Variants in ABCC4 observed in about 807,000 individuals in gnomAD.
ABCC4 encodes ATP-binding cassette sub-family C member 4.
A neutral mutation model predicts 168.5 loss-of-function variants in ABCC4; 102 were observed. The ratio of observed to expected loss-of-function variants is 0.61; its 90% CI spans 0.52 to 0.71. ABCC4 has a LOEUF of 0.71. Among genes scored for constraint, ABCC4 ranks in the 30% least tolerant of loss-of-function variants. The probability of loss-of-function intolerance (pLI) is 0.00; values close to 1 mark genes in which losing one functional copy is unlikely to be tolerated. For missense variants in ABCC4, 1,402 were observed against 1,605.8 expected, an observed-to-expected ratio of 0.87 and a Z score of 2.17; for synonymous variants, 617 against 590.7, an observed-to-expected ratio of 1.04 and a Z score of -0.65.
chr13:95,022,411 T>A (rs1286195371), intron 30 of ABCC4, among the ~76,000 whole-genome samples: 1 of 152,182 alleles, frequency 6.6e-6, no homozygotes, highest in East Asian at 1.9e-4. Flanking sequence ...AAACGTATAA[T>A]CAGAACATAA....
chr13:95,166,559 T>C (rs866664949), intron 14 of ABCC4, among the ~76,000 whole-genome samples, 192 bp from the exon 15 acceptor site: 5 of 152,218 alleles, frequency 3.3e-5, no homozygotes, highest in Middle Eastern at 3.2e-3. Flanking sequence ...AGACTCTGTG[T>C]TAGGTCCTGA....
intron 1 of ABCC4, among the ~76,000 whole-genome samples, chr13:95,282,696 G>A (rs1266414530): frequency 2.0e-5 from 3 of 151,460 alleles, no homozygotes; most frequent in Non-Finnish European, 4.4e-5. Context: ...CATCATGCCT[G>A]GCTAATTTTT....
chr13:95,073,275 G>A lies in ABCC4; in HGVS notation c.2947C>T (p.Leu983=), dbSNP rs1025464331. ...TLDAGQVGLA[L]SYALTLMGMF... ...CCCATGAGCGTGAGGGCATAGGACA[G>A]TGCCAAACCAACCTGCCCGGCATCC... The change falls in exon 24 of 31, where the codon CTG becomes TTG. Residue 983 remains leucine, a synonymous_variant. Coordinates refer to ENST00000645237, the MANE Select transcript of ABCC4 (RefSeq NM_005845.5). 4 of 1,613,658 alleles carry A rather than the reference G, an allele frequency of 2.5e-6. No homozygotes were observed. The highest frequency in any genetic ancestry group is 1.7e-5 in the Admixed American group (1 of 60,006).
At chr13:95,034,533 C>A in intron 30 of ABCC4, 72 bp downstream of exon 30, 2 of 1,548,596 alleles carry the variant, frequency 1.3e-6, no homozygotes, top group Non-Finnish European at 1.7e-6. Context: ...TGTTACCATA[C>A]CCATGGTGCC....
intron 9 of ABCC4, among the ~76,000 whole-genome samples, chr13:95,192,361 G>A (rs2038281976): frequency 6.6e-6 from 1 of 152,084 alleles, no homozygotes; most frequent in Non-Finnish European, 1.5e-5. Flanking sequence ...ATCCCTGCCA[G>A]TGTGAGGCAA....
At chr13:95,282,091 A>G (rs2041139152) in intron 1 of ABCC4, among the ~76,000 whole-genome samples, 1 of 151,674 alleles carries the variant, frequency 6.6e-6, no homozygotes, top group African/African-American at 2.4e-5. Flanking sequence ...CCTGGACAAC[A>G]GAGCCACTGC....
chr13:95,297,407 G>A (rs547588060), intron 1 of ABCC4, among the ~76,000 whole-genome samples: 1 of 152,210 alleles, frequency 6.6e-6, no homozygotes, highest in South Asian at 2.1e-4. Context: ...AAAATCCCGG[G>A]AAAATACTTT....
intron 1 of ABCC4, among the ~76,000 whole-genome samples, chr13:95,300,593 T>C (rs2041649540): frequency 6.6e-6 from 1 of 152,086 alleles, no homozygotes; most frequent in Non-Finnish European, 1.5e-5. Context: ...AGGAGAGCCC[T>C]GGTCACTGAG....
At chr13:95,148,212 CTTAA>C (rs1445103742) in intron 19 of ABCC4, among the ~76,000 whole-genome samples, 2 of 152,084 alleles carry the variant, frequency 1.3e-5, no homozygotes, top group Admixed American at 1.3e-4. Context: ...TATTGATTCT[CTTAA>C]TTGTCACTCA....
Position 95,208,608 on chromosome 13 carries a change from C to CTT in ABCC4, c.786-685_786-684dup, listed in dbSNP as rs58749262. Among the ~76,000 whole-genome samples the CTT allele has an allele frequency of 1.6e-3, 118 of 74,658 alleles. 15 individuals carry two copies. In the East Asian group the frequency reaches 0.02, roughly 13 times the overall value. 49.0% of individuals were successfully genotyped at this position (74,658 alleles called of 152,430 possible). ...AATCTCTTGATCAAAAGCTGTATTT[C>CTT]TTTTTTTTTTTTTTTTTTTTTTTTT... On this transcript the variant is annotated intron_variant, in intron 6 of 30. Coordinates refer to ENST00000645237, the MANE Select transcript of ABCC4 (RefSeq NM_005845.5).
chr13:95,206,225 C>G (rs2038775109), intron 8 of ABCC4, among the ~76,000 whole-genome samples: 1 of 152,164 alleles, frequency 6.6e-6, no homozygotes, highest in Non-Finnish European at 1.5e-5. Context: ...GAGATGAAAT[C>G]TATTTGCTTT....
At chr13:95,294,340 A>G (rs546907935) in intron 1 of ABCC4, among the ~76,000 whole-genome samples, 40 of 150,898 alleles carry the variant, frequency 2.7e-4, no homozygotes, top group African/African-American at 9.5e-4. Context: ...TCTAGCCTGC[A>G]AGACAGAGAT....
chr13:95,297,282 A>G (rs1442350325), intron 1 of ABCC4, among the ~76,000 whole-genome samples: 1 of 141,236 alleles, frequency 7.1e-6, no homozygotes, highest in Non-Finnish European at 1.6e-5. Flanking sequence ...AAAAAAAAAG[A>G]AAGAAAAAAG....
Position 95,021,548 on chromosome 13 carries a change from G to A in ABCC4, c.*27C>T, listed in dbSNP as rs753440432. The A allele has an allele frequency of 1.2e-5, 18 of 1,526,550 alleles. No homozygotes were observed. In the Admixed American group the frequency reaches 1.4e-4, roughly 12 times the overall value. 94.6% of individuals were successfully genotyped at this position (1,526,550 alleles called of 1,614,324 possible). A position where few individuals can be genotyped will look rare whatever the true frequency, so the allele number is the denominator to read the frequency against. ...CCAAAAACTAGTGGAAAATGCCTTC[G>A]GAACGGACTTGACATTTTGGTTGGA... is the stretch of plus-strand genomic sequence containing the variant. On this transcript the variant is annotated 3_prime_UTR_variant, in exon 31 of 31. Transcript: ENST00000645237.
In ABCC4 at chr13:95,226,824, C is replaced by A. The variant is rs546096380; in HGVS notation, c.531+7786G>T. On this transcript the variant is annotated intron_variant, in intron 4 of 30. Transcript: ENST00000645237. ...CAGCTACCATGCTTGAGGTTTATAC[C>A]TACAAGTCCGAAGGAGTTATTCACC... Among the ~76,000 whole-genome samples the A allele has an allele frequency of 7.9e-5, 12 of 152,276 alleles. No homozygotes were observed. The East Asian group carries it at 9.6e-4, about 12-fold the overall frequency.
chr13:95,117,900 G>A (rs569355121), intron 19 of ABCC4, among the ~76,000 whole-genome samples: 4 of 151,804 alleles, frequency 2.6e-5, no homozygotes, highest in Admixed American at 6.6e-5. Flanking sequence ...GCAACATAGC[G>A]AGACCTCATC....
chr13:95,165,334 C>T lies in ABCC4; in HGVS notation c.2035-816G>A, dbSNP rs184360346. On this transcript the variant is annotated intron_variant, in intron 15 of 30. Transcript: ENST00000645237. The stretch of plus-strand genomic sequence containing the variant: ...GCATATGATCCTAATCTATTTGGTT[C>T]CTGAGTTTCAGAAATTGACTCCTGA... 4.6e-5 allele frequency among the ~76,000 whole-genome samples: 7 copies of T among 152,238 alleles called. No individual in the cohort carries two copies. The East Asian group carries it at 1.4e-3, about 29-fold the overall frequency.
chr13:95,021,110 T>C lies in ABCC4; in HGVS notation c.*465A>G, dbSNP rs2031065588. ...TGTACTATTTTCTAACAAGAAGCCT[T>C]CAGGGGAAATAATGGATCCTAGTTA... On this transcript the variant is annotated 3_prime_UTR_variant, in exon 31 of 31. Coordinates refer to ENST00000645237, the MANE Select transcript of ABCC4 (RefSeq NM_005845.5). 6.5e-6 allele frequency: 1 copy of C among 154,218 alleles called. No individual in the cohort carries two copies. The highest frequency in any genetic ancestry group is 2.0e-4 in the South Asian group (1 of 4,894). The allele number at this position is 154,218 out of a possible 1,614,324, so 9.6% of individuals were successfully genotyped here.
intron 1 of ABCC4, among the ~76,000 whole-genome samples, chr13:95,299,033 A>G (rs1238127045): frequency 2.0e-5 from 3 of 152,034 alleles, no homozygotes; most frequent in African/African-American, 7.2e-5. Flanking sequence ...CGGGAGGAAC[A>G]CTTGAGCCCA....
Sources: gnomAD v4.1 joint callset for allele counts (sites outside exome capture counted in the v4.1 genomes callset) on GRCh38, gnomAD v4.1.1 for gene constraint, MANE v1.5 for transcripts, NCBI Gene and HGNC (gene_info 2026-07-23, HGNC 2026-07-21) for gene names.